ADAMTSL1: variants seen among roughly 807,000 people sequenced by gnomAD.
ADAMTSL1 encodes the protein ADAMTS-like protein 1.
ADAMTSL1 carries 126 observed loss-of-function variants against 201.8 expected under a neutral mutation model. The ratio of observed to expected loss-of-function variants is 0.62; its 90% CI spans 0.54 to 0.72. The LOEUF (loss-of-function observed/expected upper bound fraction) is 0.72, where lower values mean the gene tolerates loss of function less well. ADAMTSL1 is among the 30% of genes least tolerant of loss of function. ADAMTSL1 has a pLI of 0.00. For missense variants in ADAMTSL1, 2,679 were observed against 2,277.8 expected, an observed-to-expected ratio of 1.18 and a Z score of -3.59; for synonymous variants, 1,121 against 903.4, an observed-to-expected ratio of 1.24 and a Z score of -4.32.
chr9:18,466,097 TG>T (rs1355978217), intron 2 of ADAMTSL1, among the ~76,000 whole-genome samples: 1 of 152,214 alleles, frequency 6.6e-6, no homozygotes, highest in African/African-American at 2.4e-5. Context: ...AAAACACAGA[TG>T]GACGTTTAAG....
chr9:18,060,363 AG>A lies in ADAMTSL1; in HGVS notation c.88-103498del, dbSNP rs139760607. 4.1e-4 allele frequency among the ~76,000 whole-genome samples: 63 copies of A among 152,268 alleles called. 1 individual carries two copies. The East Asian group carries it at 0.011, about 27-fold the overall frequency. ...AGTTATACTGTAGGCACCTCAGATA[AG>A]CTGTAAAACAACCCTATGGGCTAAG... On this transcript the variant is annotated intron_variant, in intron 1 of 29. Coordinates refer to the ADAMTSL1 transcript ENST00000680146.
intron 2 of ADAMTSL1, among the ~76,000 whole-genome samples, chr9:18,415,252 G>T: frequency 6.6e-6 from 1 of 152,098 alleles, no homozygotes; most frequent in Non-Finnish European, 1.5e-5. Context: ...AACCACCCCA[G>T]AATTGTCACA....
intron 16 of ADAMTSL1, among the ~76,000 whole-genome samples, chr9:18,763,361 C>A (rs1287612396): frequency 6.6e-6 from 1 of 152,044 alleles, no homozygotes; most frequent in African/African-American, 2.4e-5. Flanking sequence ...GATTTTTTTC[C>A]TACAGAGTTG....
intron 2 of ADAMTSL1, among the ~76,000 whole-genome samples, chr9:18,413,396 C>T (rs1818536814): frequency 6.6e-6 from 1 of 152,070 alleles, no homozygotes; most frequent in Admixed American, 6.5e-5. Flanking sequence ...AACTCCTGAC[C>T]TCAGGTGATC....
chr9:18,583,286 T>C (rs1385046283), intron 4 of ADAMTSL1, among the ~76,000 whole-genome samples: 1 of 152,008 alleles, frequency 6.6e-6, no homozygotes, highest in East Asian at 1.9e-4. Context: ...CTGAAAGGGG[T>C]CAAGGTAGGG....
intron 1 of ADAMTSL1, among the ~76,000 whole-genome samples, chr9:17,989,656 G>A (rs1039028300): frequency 6.6e-6 from 1 of 151,884 alleles, no homozygotes; most frequent in African/African-American, 2.4e-5. Context: ...CCTTTGCCTG[G>A]AACTTAACCA....
intron 2 of ADAMTSL1, among the ~76,000 whole-genome samples, chr9:18,382,023 C>T (rs757755639): frequency 1.3e-5 from 2 of 152,178 alleles, no homozygotes; most frequent in Non-Finnish European, 2.9e-5. Flanking sequence ...TTCCTGATTG[C>T]TTCTGCTTCT....
intron 1 of ADAMTSL1, among the ~76,000 whole-genome samples, chr9:18,501,835 A>G (rs535414162): frequency 3.9e-5 from 6 of 152,214 alleles, no homozygotes; most frequent in Non-Finnish European, 8.8e-5. Context: ...CTGGGTTTGC[A>G]TGAGATCTCA....
intron 2 of ADAMTSL1, among the ~76,000 whole-genome samples, chr9:18,274,624 G>A (rs1263525980): frequency 6.6e-6 from 1 of 152,020 alleles, no homozygotes; most frequent in Non-Finnish European, 1.5e-5. Context: ...TCAGCACCAA[G>A]GTTAATTTTT....
At chr9:18,871,257 C>T (rs1827856309) in intron 23 of ADAMTSL1, among the ~76,000 whole-genome samples, 1 of 152,096 alleles carries the variant, frequency 6.6e-6, no homozygotes, top group South Asian at 2.1e-4. Flanking sequence ...ACAAATGAAA[C>T]CATTAATCCA....
chr9:18,063,749 C>G (rs7020385), intron 1 of ADAMTSL1, among the ~76,000 whole-genome samples: 86,238 of 151,902 alleles, frequency 0.57, 24,839 homozygotes, highest in African/African-American at 0.66. Flanking sequence ...ATTGGGGAAA[C>G]TACACTAGAA....
intron 1 of ADAMTSL1, among the ~76,000 whole-genome samples, chr9:18,014,959 A>G (rs564071340): frequency 1.3e-5 from 2 of 152,204 alleles, no homozygotes; most frequent in East Asian, 1.9e-4. Flanking sequence ...TGTTAAAGTT[A>G]ATCTCGGCTG....
intron 21 of ADAMTSL1, among the ~76,000 whole-genome samples, chr9:18,825,163 C>T (rs992948612): frequency 2.6e-5 from 4 of 152,118 alleles, no homozygotes; most frequent in Non-Finnish European, 5.9e-5. Flanking sequence ...ACTCAGAGCC[C>T]AGCCTCCTAT....
At chr9:17,954,275 C>A (rs1827844890) in intron 1 of ADAMTSL1, among the ~76,000 whole-genome samples, 1 of 152,162 alleles carries the variant, frequency 6.6e-6, no homozygotes, top group African/African-American at 2.4e-5. Flanking sequence ...TGTAACCTGG[C>A]CTTGGATGCT....
intron 4 of ADAMTSL1, among the ~76,000 whole-genome samples, chr9:18,599,298 G>A (rs1451355986): frequency 6.6e-6 from 1 of 152,194 alleles, no homozygotes; most frequent in Non-Finnish European, 1.5e-5. Flanking sequence ...AAGAGGCAAA[G>A]GCACACTTAG....
chr9:18,544,801 C>T (rs941975052), intron 3 of ADAMTSL1, among the ~76,000 whole-genome samples: 1 of 152,274 alleles, frequency 6.6e-6, no homozygotes, highest in South Asian at 2.1e-4. Flanking sequence ...TATATTGAGA[C>T]CCACTCAGCT....
chr9:18,470,408 T>C (rs962172636), upstream of ADAMTSL1, among the ~76,000 whole-genome samples: 3 of 152,218 alleles, frequency 2.0e-5, no homozygotes, highest in Admixed American at 1.3e-4. Context: ...ACTTTTATCT[T>C]AGTCGCCCTT....
chr9:18,314,609 G>A (rs906216442), intron 2 of ADAMTSL1, among the ~76,000 whole-genome samples: 2 of 151,678 alleles, frequency 1.3e-5, no homozygotes, highest in Admixed American at 6.6e-5. Context: ...TCATGGTCTC[G>A]CTGGCCTCAT....
At chr9:18,270,108 C>G (rs1051749609) in intron 2 of ADAMTSL1, among the ~76,000 whole-genome samples, 1 of 151,960 alleles carries the variant, frequency 6.6e-6, no homozygotes, top group African/African-American at 2.4e-5. Flanking sequence ...AAATTTAGTT[C>G]TCATAGTTCT....
Sources: allele counts gnomAD v4.1 joint callset (sites outside exome capture counted in the v4.1 genomes callset), GRCh38; gene constraint gnomAD v4.1.1; transcripts MANE v1.5; gene names NCBI Gene and HGNC (gene_info 2026-07-23, HGNC 2026-07-21).